The following XKR6 variants were observed in gnomAD, a reference collection of about 807,000 sequenced individuals.
XKR6 encodes the protein XK-related protein 6.
In XKR6, 22 loss-of-function variants were observed where a neutral mutation model predicts 56.7. That is an observed-to-expected ratio of 0.39 (90% CI 0.28 to 0.55). The LOEUF (loss-of-function observed/expected upper bound fraction) is 0.55, where lower values mean the gene tolerates loss of function less well. XKR6 is among the 20% of genes least tolerant of loss of function. XKR6 has a pLI of 0.66. For synonymous variants in XKR6, 524 were observed against 387.8 expected (o/e 1.35, Z -4.13); for missense variants, 852 against 889.0 (o/e 0.96, Z 0.53).
At chr8:11,178,980 C>T (rs989763638) in intron 1 of XKR6, among the ~76,000 whole-genome samples, 1 of 150,610 alleles carries the variant, frequency 6.6e-6, no homozygotes, top group East Asian at 1.9e-4. Flanking sequence ...GTAGCTAGAA[C>T]TACAGGCATA....
chr8:10,978,153 C>T (rs1802622519), intron 1 of XKR6, among the ~76,000 whole-genome samples: 1 of 152,166 alleles, frequency 6.6e-6, no homozygotes, highest in South Asian at 2.1e-4. Context: ...AGCCCCACCC[C>T]CATTACCATC....
At chr8:11,164,372 T>C (rs144302662) in intron 1 of XKR6, among the ~76,000 whole-genome samples, 273 of 152,370 alleles carry the variant, frequency 1.8e-3, no homozygotes, top group African/African-American at 6.3e-3. Context: ...TTCCCAGCAC[T>C]TACTCAGGGC....
chr8:10,924,481 T>C (rs1233263800), intron 2 of XKR6, among the ~76,000 whole-genome samples, 153 bp downstream of exon 2: 1 of 152,234 alleles, frequency 6.6e-6, no homozygotes, highest in African/African-American at 2.4e-5. Flanking sequence ...GTGGGCCCCG[T>C]CAGCACTGCA....
At chr8:10,943,434 C>T (rs185543514) in intron 1 of XKR6, among the ~76,000 whole-genome samples, 505 of 152,284 alleles carry the variant, frequency 3.3e-3, no homozygotes, top group Admixed American at 6.7e-3. Context: ...CACACCTGCT[C>T]CTGCCCTCCA....
At chr8:10,938,654 A>G (rs1041340525) in intron 1 of XKR6, among the ~76,000 whole-genome samples, 6 of 152,182 alleles carry the variant, frequency 3.9e-5, no homozygotes, top group Non-Finnish European at 8.8e-5. Flanking sequence ...GGCCAGAGGG[A>G]TGGAGAACAG....
intron 1 of XKR6, among the ~76,000 whole-genome samples, chr8:11,117,302 T>TGA (rs1410324965): frequency 3.9e-5 from 6 of 152,230 alleles, no homozygotes; most frequent in Non-Finnish European, 8.8e-5. Flanking sequence ...ATTTCCTGTC[T>TGA]GACACATACG....
intron 1 of XKR6, among the ~76,000 whole-genome samples, chr8:10,977,057 G>T (rs1431289752): frequency 1.3e-5 from 2 of 152,080 alleles, no homozygotes; most frequent in Non-Finnish European, 1.5e-5. Context: ...TCCAAAAAAG[G>T]CCAGGTGACA....
rs111631481 is a variant in XKR6, at chr8:11,051,906, A to G, written c.765-127076T>C. Among the ~76,000 whole-genome samples, 723 of 152,248 alleles carry G rather than the reference A, an allele frequency of 4.7e-3. 6 individuals carry two copies. The highest frequency in any genetic ancestry group is 0.016 in the African/African-American group (644 of 41,542). On this transcript the variant is annotated intron_variant, in intron 1 of 2. Coordinates refer to ENST00000416569, the MANE Select transcript of XKR6 (RefSeq NM_173683.4). ...GCAGGTTTGTTACATAGGTATACAT[A>G]TGCCATGGTGGTTTGTTACAGAGGT...
intron 1 of XKR6, chr8:11,124,400 T>C (rs865839522): frequency 7.3e-5 from 12 of 165,146 alleles, no homozygotes; most frequent in Admixed American, 7.0e-4. Flanking sequence ...AAACATGGGA[T>C]GTAACTGGCA....
In XKR6 at chr8:11,098,444, A is replaced by T. The variant is rs1024795876; in HGVS notation, c.764+102132T>A. On this transcript the variant is annotated intron_variant, in intron 1 of 2. Transcript: ENST00000416569. Reference sequence around the variant, plus strand: ...TCTCGAGTTTTTCCTGACGCTACTAATGCTGTGTGTACTTCTCACTCACGG... The same window carrying T: ...TCTCGAGTTTTTCCTGACGCTACTATTGCTGTGTGTACTTCTCACTCACGG... Among the ~76,000 whole-genome samples the T allele has an allele frequency of 3.9e-5, 6 of 152,250 alleles. No individual in the cohort carries two copies. The South Asian group carries it at 1.0e-3, about 26-fold the overall frequency.
At chr8:11,157,235 A>G (rs1203283840) in intron 1 of XKR6, among the ~76,000 whole-genome samples, 1 of 152,156 alleles carries the variant, frequency 6.6e-6, no homozygotes, top group Non-Finnish European at 1.5e-5. Context: ...ATGACAACAA[A>G]ACGCAAGATG....
intron 1 of XKR6, among the ~76,000 whole-genome samples, chr8:11,097,114 G>A (rs760079828): frequency 1.3e-5 from 2 of 152,176 alleles, no homozygotes; most frequent in African/African-American, 4.8e-5. Context: ...TTTGTCATCA[G>A]CAACAGGACA....
At chr8:11,002,504 AC>A in intron 1 of XKR6, 1 of 357,926 alleles carries the variant, frequency 2.8e-6, no homozygotes, top group South Asian at 2.4e-5. Context: ...GCCAACCGAT[AC>A]ACTGAGCAAG....
intron 1 of XKR6, among the ~76,000 whole-genome samples, chr8:11,147,334 T>C (rs1223070755): frequency 1.3e-5 from 2 of 152,066 alleles, no homozygotes; most frequent in African/African-American, 4.8e-5. Flanking sequence ...ACTCAAAACA[T>C]GTGCATGAAA....
chr8:10,913,220 T>C (rs1800461217), intron 2 of XKR6, among the ~76,000 whole-genome samples: 1 of 151,960 alleles, frequency 6.6e-6, no homozygotes, highest in African/African-American at 2.4e-5. Context: ...ATTGTTCATA[T>C]ACTTGTTCAT....
chr8:11,144,246 G>GTGTGTGTC (rs1800866029), intron 1 of XKR6, among the ~76,000 whole-genome samples: 1 of 151,168 alleles, frequency 6.6e-6, no homozygotes. Context: ...GTGTGTGTGT[G>GTGTGTGTC]TGTGTGTGTA....
At chr8:11,033,120 C>T (rs1586455357) in intron 1 of XKR6, among the ~76,000 whole-genome samples, 1 of 149,976 alleles carries the variant, frequency 6.7e-6, no homozygotes, top group South Asian at 2.1e-4. Flanking sequence ...TGAAGATTAT[C>T]ACGATGGTAA....
chr8:11,198,638 G>T (rs553965943), intron 1 of XKR6, among the ~76,000 whole-genome samples: 1 of 152,128 alleles, frequency 6.6e-6, no homozygotes, highest in African/African-American at 2.4e-5. Flanking sequence ...ACATTTAGGT[G>T]AATGGAGGTG....
At chr8:11,107,184 C>T (rs1798710220) in intron 1 of XKR6, among the ~76,000 whole-genome samples, 1 of 150,254 alleles carries the variant, frequency 6.7e-6, no homozygotes. Context: ...CACGGATAAA[C>T]AGGATTCCAA....
Sources: gnomAD v4.1 joint callset for allele counts (sites outside exome capture counted in the v4.1 genomes callset) on GRCh38, gnomAD v4.1.1 for gene constraint, MANE v1.5 for transcripts, NCBI Gene and HGNC (gene_info 2026-07-23, HGNC 2026-07-21) for gene names.